ILDR2: variants seen among roughly 807,000 people sequenced by gnomAD.
The protein encoded by ILDR2 is immunoglobulin like domain containing receptor 2, also known as immunoglobulin-like domain-containing receptor 2.
ILDR2 carries 25 observed loss-of-function variants against 66.8 expected under a neutral mutation model. The observed-to-expected ratio is 0.37, with a 90% CI of 0.27 to 0.52. ILDR2 has a LOEUF of 0.52. ILDR2 is among the 20% of genes least tolerant of loss of function. The probability of loss-of-function intolerance (pLI) is 0.88; values close to 1 mark genes in which losing one functional copy is unlikely to be tolerated. For synonymous variants in ILDR2, 367 were observed against 357.2 expected, an observed-to-expected ratio of 1.03 and a Z score of -0.31; for missense variants, 827 against 876.8, an observed-to-expected ratio of 0.94 and a Z score of 0.72.
At chr1:166,922,178 G>T (rs1477321840) in intron 8 of ILDR2, among the ~76,000 whole-genome samples, 1 of 152,162 alleles carries the variant, frequency 6.6e-6, no homozygotes, top group Non-Finnish European at 1.5e-5. Context: ...AGCACTTTGG[G>T]AGGCCAAGGT....
At position 166,921,853 on chromosome 1, in the gene ILDR2, T is replaced by C. The variant is rs1484983700; in HGVS notation, c.1212-474A>G. Among the ~76,000 whole-genome samples the C allele has an allele frequency of 6.6e-5, 10 of 152,120 alleles. No individual in the cohort carries two copies. Among genetic ancestry groups the C allele is most frequent in the African/African-American group, 2.2e-4 (9 of 41,418 alleles). On this transcript the variant is annotated intron_variant, in intron 8 of 9. Coordinates refer to ENST00000271417, the MANE Select transcript of ILDR2 (RefSeq NM_199351.3). The surrounding 1 kb of genome is among the most constrained non-coding windows in gnomAD (Gnocchi z 5.3). ...CTGGGGCAGGAGGGGAGAAGGACAC[T>C]TGCAATTTGTAAGGGAAAGGCAATG... is the stretch of plus-strand genomic sequence containing the variant.
chr1:166,939,011 C>T (rs1324897166), intron 4 of ILDR2, among the ~76,000 whole-genome samples: 1 of 151,974 alleles, frequency 6.6e-6, no homozygotes, highest in Non-Finnish European at 1.5e-5. Context: ...AAATTGTGTA[C>T]AAAGTAATGT....
downstream of ILDR2, among the ~76,000 whole-genome samples, chr1:166,904,162 G>A (rs551359852): frequency 6.6e-6 from 1 of 152,282 alleles, no homozygotes; most frequent in East Asian, 1.9e-4. Context: ...AAAATAACTT[G>A]AATAAAAGGA....
chr1:166,973,955 T>C lies in ILDR2; in HGVS notation c.46+1268A>G, dbSNP rs1293251785. 2.6e-5 allele frequency among the ~76,000 whole-genome samples: 4 copies of C among 152,298 alleles called. 1 individual carries two copies. In the South Asian group the frequency reaches 8.3e-4, roughly 32 times the overall value. On this transcript the variant is annotated intron_variant, in intron 1 of 9. Coordinates refer to ENST00000271417, the MANE Select transcript of ILDR2 (RefSeq NM_199351.3). The stretch of plus-strand genomic sequence containing the variant: ...ATTTCATTTGAAATGGGAAAAATAT[T>C]TAGGCAATGAAGAATCTTATTCTGA...
intron 3 of ILDR2, among the ~76,000 whole-genome samples, chr1:166,940,914 T>C (rs1661279127): frequency 6.6e-6 from 1 of 152,216 alleles, no homozygotes; most frequent in Non-Finnish European, 1.5e-5. Flanking sequence ...ACTTGTCCCT[T>C]CCTCTATCAA....
Position 166,939,618 on chromosome 1 carries a change from G to A in ILDR2, c.500-48C>T, listed in dbSNP as rs371335210. The A allele has an allele frequency of 5.2e-6, 8 of 1,547,692 alleles. No individual in the cohort carries two copies. In the African/African-American group the frequency reaches 5.4e-5, roughly 11 times the overall value. ...AAGAAGGAAAGTGGTTATTCCAAGG[G>A]AAAACATAGCCTAAAGCCTGGCTCC... is the stretch of plus-strand genomic sequence containing the variant. On this transcript the variant is annotated intron_variant, in intron 3 of 9. Transcript: ENST00000271417.
In ILDR2 at chr1:166,939,458, C is replaced by G. The variant is rs544066597; in HGVS notation, c.556+56G>C. 24 of 1,436,348 alleles carry G rather than the reference C, an allele frequency of 1.7e-5. No homozygotes were observed. In the African/African-American group the frequency reaches 3.1e-4, roughly 18 times the overall value. The allele number at this position is 1,436,348 out of a possible 1,614,324, so 89.0% of individuals were successfully genotyped here. ...AAGCAATTAGCGACTAATGCAGAAGCAAGACAGATGGAATAACAGCAAATC... is the reference window on the plus strand; with the variant it reads ...AAGCAATTAGCGACTAATGCAGAAGGAAGACAGATGGAATAACAGCAAATC... On this transcript the variant is annotated intron_variant, in intron 4 of 9. Transcript: ENST00000271417.
At chr1:166,962,115 T>C (rs1293279893) in intron 1 of ILDR2, among the ~76,000 whole-genome samples, 1 of 152,126 alleles carries the variant, frequency 6.6e-6, no homozygotes, top group African/African-American at 2.4e-5. Flanking sequence ...AATCCCTGCT[T>C]CCACACTACA....
rs777314041 is a variant in ILDR2, at chr1:166,975,343, C to G, written c.-75G>C. The G allele has an allele frequency of 3.7e-6, 5 of 1,369,272 alleles. No homozygotes were observed. Among genetic ancestry groups the G allele is most frequent in the Non-Finnish European group, 5.0e-6 (5 of 1,003,766 alleles). 84.8% of individuals were successfully genotyped at this position (1,369,272 alleles called of 1,614,324 possible). On this transcript the variant is annotated 5_prime_UTR_variant, in exon 1 of 10. Coordinates refer to ENST00000271417, the MANE Select transcript of ILDR2 (RefSeq NM_199351.3). ...CTGGAACAGAAGGATCGCTGTCACC[C>G]CGCGGCAGCGGGCGGCGGCGGAGCG... is the stretch of plus-strand genomic sequence containing the variant.
At chr1:166,919,887 G>A (rs944258790) in intron 9 of ILDR2, among the ~76,000 whole-genome samples, 1 of 152,192 alleles carries the variant, frequency 6.6e-6, no homozygotes, top group Non-Finnish European at 1.5e-5. Flanking sequence ...TGGTGGGGAG[G>A]CAGGGTAATT....
intron 1 of ILDR2, among the ~76,000 whole-genome samples, chr1:166,963,391 A>AATGT (rs1023030695): frequency 1.3e-5 from 2 of 152,158 alleles, no homozygotes; most frequent in Non-Finnish European, 2.9e-5. Context: ...ATGCTCAGAT[A>AATGT]ATGTATGTAT....
At chr1:166,967,423 G>A (rs753237008) in intron 1 of ILDR2, among the ~76,000 whole-genome samples, 1 of 152,200 alleles carries the variant, frequency 6.6e-6, no homozygotes, top group Non-Finnish European at 1.5e-5. Context: ...AGAAACGGAG[G>A]GGGAAGGGAG....
rs1383858615 is a variant in ILDR2 at position 166,910,607 on chromosome 1, A to G, written c.*8748T>C. ...CTCACTCACCTCTAAGCAACTTCCT[A>G]GCTACTTCTACACCTCATGCCATTT... is the stretch of plus-strand genomic sequence containing the variant. On this transcript the variant is annotated 3_prime_UTR_variant, in exon 10 of 10. Coordinates refer to ENST00000271417, the MANE Select transcript of ILDR2 (RefSeq NM_199351.3). The G allele has an allele frequency of 2.0e-5, 3 of 152,210 alleles. No homozygotes were observed. Among genetic ancestry groups the G allele is most frequent in the African/African-American group, 7.2e-5 (3 of 41,448 alleles). The allele number at this position is 152,210 out of a possible 1,614,324, so 9.4% of individuals were successfully genotyped here.
Position 166,931,662 on chromosome 1 carries a change from CA to C in ILDR2, c.880+3638del, listed in dbSNP as rs1660646623. 4.6e-5 allele frequency among the ~76,000 whole-genome samples: 7 copies of C among 152,110 alleles called. No individual in the cohort carries two copies. The South Asian group carries it at 1.5e-3, about 32-fold the overall frequency. ...GAGGTAATGGCAGCAAGGACTAGGA[CA>C]GTTTCAGTAGAGATGGAGAAAAGGA... On this transcript the variant is annotated intron_variant, in intron 6 of 9. Transcript: ENST00000271417.
At chr1:166,975,075 T>A in intron 1 of ILDR2, 148 bp downstream of exon 1, 1 of 619,206 alleles carries the variant, frequency 1.6e-6, no homozygotes, top group Non-Finnish European at 3.0e-6. Context: ...AACACACACG[T>A]TGCCCCCTCC....
At chr1:166,935,657 A>C (rs921198788) in intron 5 of ILDR2, among the ~76,000 whole-genome samples, 180 bp from the exon 6 acceptor site, 8 of 151,940 alleles carry the variant, frequency 5.3e-5, no homozygotes, top group Admixed American at 2.0e-4. Context: ...ACTCCCTCGG[A>C]CTCTCCAGCT....
intron 4 of ILDR2, among the ~76,000 whole-genome samples, chr1:166,938,876 G>A (rs1276561976): frequency 6.6e-6 from 1 of 152,142 alleles, no homozygotes; most frequent in Non-Finnish European, 1.5e-5. Context: ...AACTGATGTT[G>A]GCTTGTCTAG....
intron 3 of ILDR2, among the ~76,000 whole-genome samples, chr1:166,942,766 T>C (rs1411251504): frequency 6.6e-6 from 1 of 152,192 alleles, no homozygotes; most frequent in East Asian, 1.9e-4. Flanking sequence ...CAAATTAAAA[T>C]TGGAAACAAT....
chr1:166,901,849 G>A (rs550818360), intron 2 of ILDR2, among the ~76,000 whole-genome samples: 18 of 152,298 alleles, frequency 1.2e-4, no homozygotes, highest in South Asian at 2.1e-4. Flanking sequence ...CAGTTTTGTC[G>A]TATGGGTCCC....
Sources: gnomAD v4.1 joint callset for allele counts (sites outside exome capture counted in the v4.1 genomes callset) on GRCh38, gnomAD v4.1.1 for gene constraint, Gnocchi (gnomAD v3.1) non-coding constraint, MANE v1.5 for transcripts, NCBI Gene and HGNC (gene_info 2026-07-23, HGNC 2026-07-21) for gene names.